BUB3: variants seen among roughly 807,000 people sequenced by gnomAD.
BUB3 encodes BUB3 mitotic checkpoint protein.
In BUB3, 22 loss-of-function variants were observed where a neutral mutation model predicts 39.9. The ratio of observed to expected loss-of-function variants is 0.55; its 90% CI spans 0.39 to 0.79. BUB3 has a LOEUF of 0.79. Among genes scored for constraint, BUB3 ranks in the 30% least tolerant of loss-of-function variants. BUB3 has a pLI of 0.00. For synonymous variants in BUB3, 168 were observed against 155.1 expected (o/e 1.08, Z -0.62); for missense variants, 303 against 415.4 (o/e 0.73, Z 2.35).
rs374121772 is a variant in BUB3 at position 123,164,303 on chromosome 10, A to G, written c.*468A>G. ...GAGGAGGTTAATCTACAATTAAACA[A>G]TATTTCCTCTTGGCCGTCCATTATT... On this transcript the variant is annotated 3_prime_UTR_variant, in exon 8 of 8. Transcript: ENST00000368865. 2 of 986,230 alleles carry G rather than the reference A, an allele frequency of 2.0e-6. No homozygotes were observed. The highest frequency in any genetic ancestry group is 2.4e-6 in the Non-Finnish European group (2 of 830,572). 61.1% of individuals were successfully genotyped at this position (986,230 alleles called of 1,614,324 possible). A position where few individuals can be genotyped will look rare whatever the true frequency, so the allele number is the denominator to read the frequency against.
At chr10:123,161,637 A>G (rs763918232) in intron 5 of BUB3, among the ~76,000 whole-genome samples, 2 of 152,230 alleles carry the variant, frequency 1.3e-5, no homozygotes, top group East Asian at 1.9e-4. Context: ...CATAGATTTC[A>G]TATTTGGTGT....
At position 123,166,204 on chromosome 10, in the gene BUB3, G is replaced by T. The variant is rs144614866; in HGVS notation, c.*2369G>T. The T allele has an allele frequency of 6.6e-6, 1 of 152,142 alleles. No individual in the cohort carries two copies. Among genetic ancestry groups the T allele is most frequent in the Non-Finnish European group, 1.5e-5 (1 of 68,034 alleles). The allele number at this position is 152,142 out of a possible 1,614,324, so 9.4% of individuals were successfully genotyped here. A position where few individuals can be genotyped will look rare whatever the true frequency, so the allele number is the denominator to read the frequency against. ...GGTTTCCCTCACCCACATTCTTTAAGTGTCTCTTCTGTTTATCTTTTCTTC... is the reference window on the plus strand; with the variant it reads ...GGTTTCCCTCACCCACATTCTTTAATTGTCTCTTCTGTTTATCTTTTCTTC... On this transcript the variant is annotated 3_prime_UTR_variant, in exon 8 of 8. Transcript: ENST00000368865.
chr10:123,154,850 G>T, intron 1 of BUB3, 68 bp from the exon 2 acceptor site: 1 of 1,529,886 alleles, frequency 6.5e-7, no homozygotes, highest in Non-Finnish European at 8.8e-7. Context: ...GGGACCCCCA[G>T]TGCCAGGCTG....
chr10:123,168,366 A>T lies in BUB3; in HGVS notation c.*4531A>T, dbSNP rs1844512976. Reference sequence around the variant, plus strand: ...TAAAGATGTTATTTGGGATGGTGTGACTTGCACAAGCCACACAGCCTGCAT... The same window carrying T: ...TAAAGATGTTATTTGGGATGGTGTGTCTTGCACAAGCCACACAGCCTGCAT... On this transcript the variant is annotated 3_prime_UTR_variant, in exon 8 of 8. Coordinates refer to ENST00000368865, the MANE Select transcript of BUB3 (RefSeq NM_004725.4). The T allele has an allele frequency of 6.6e-6, 1 of 152,168 alleles. No homozygotes were observed. Among genetic ancestry groups the T allele is most frequent in the Non-Finnish European group, 1.5e-5 (1 of 68,030 alleles). 9.4% of individuals were successfully genotyped at this position (152,168 alleles called of 1,614,324 possible).
intron 4 of BUB3, among the ~76,000 whole-genome samples, chr10:123,159,128 T>C (rs549080310): frequency 6.6e-6 from 1 of 152,328 alleles, no homozygotes; most frequent in South Asian, 2.1e-4. Context: ...ATCTTAACAT[T>C]TCTGACATTT....
intron 3 of BUB3, among the ~76,000 whole-genome samples, chr10:123,157,457 A>C (rs1381941804): frequency 6.6e-6 from 1 of 152,226 alleles, no homozygotes; most frequent in African/African-American, 2.4e-5. Context: ...ACATGCCACT[A>C]TGTTAATGTA....
Position 123,169,985 on chromosome 10 carries a change from A to T in BUB3, c.*6150A>T, listed in dbSNP as rs965611422. On this transcript the variant is annotated 3_prime_UTR_variant, in exon 8 of 8. Coordinates refer to ENST00000368865, the MANE Select transcript of BUB3 (RefSeq NM_004725.4). The stretch of plus-strand genomic sequence containing the variant: ...GGCGGGAGGATAACCTGAGTGCGGG[A>T]GGTTGAGGTTGCAGTGAGCTGAAGT... The T allele has an allele frequency of 3.9e-5, 6 of 152,212 alleles. No individual in the cohort carries two copies. Among genetic ancestry groups the T allele is most frequent in the Admixed American group, 1.3e-4 (2 of 15,280 alleles). The allele number at this position is 152,212 out of a possible 1,614,324, so 9.4% of individuals were successfully genotyped here. A position where few individuals can be genotyped will look rare whatever the true frequency, so the allele number is the denominator to read the frequency against.
In BUB3 at chr10:123,164,926, C is replaced by T. The variant is rs989112477; in HGVS notation, c.*1091C>T. 6.2e-6 allele frequency: 9 copies of T among 1,462,760 alleles called. No individual in the cohort carries two copies. The highest frequency in any genetic ancestry group is 8.1e-6 in the Non-Finnish European group (9 of 1,107,534). The allele number at this position is 1,462,760 out of a possible 1,614,324, so 90.6% of individuals were successfully genotyped here. A position where few individuals can be genotyped will look rare whatever the true frequency, so the allele number is the denominator to read the frequency against. ...GGACCTTTCCTGAGATTTATTTTAT[C>T]CGTGATGTATTTTTTTTAATTCTTT... On this transcript the variant is annotated 3_prime_UTR_variant, in exon 8 of 8. Coordinates refer to ENST00000368865, the MANE Select transcript of BUB3 (RefSeq NM_004725.4).
rs1171797378 is a variant in BUB3 at position 123,166,156 on chromosome 10, G to A, written c.*2321G>A. ...TACCTTTTCCCCAAGTTACCCAGGT[G>A]TAGTTACCTTGGCCTTCTCATTGGT... On this transcript the variant is annotated 3_prime_UTR_variant, in exon 8 of 8. Transcript: ENST00000368865. The A allele has an allele frequency of 2.0e-5, 3 of 152,144 alleles. No homozygotes were observed. The highest frequency in any genetic ancestry group is 4.4e-5 in the Non-Finnish European group (3 of 68,050). The allele number at this position is 152,144 out of a possible 1,614,324, so 9.4% of individuals were successfully genotyped here.
chr10:123,158,120 T>C (rs1844373509), intron 4 of BUB3, among the ~76,000 whole-genome samples: 5 of 152,256 alleles, frequency 3.3e-5, no homozygotes, highest in Admixed American at 3.3e-4. Flanking sequence ...CCATGTATTG[T>C]TAATGCTTTA....
chr10:123,158,926 G>C (rs1844384999), intron 4 of BUB3, among the ~76,000 whole-genome samples: 1 of 152,294 alleles, frequency 6.6e-6, no homozygotes, highest in East Asian at 1.9e-4. Context: ...TTTATGATCA[G>C]TGGGGATAGA....
chr10:123,159,591 A>AGGAAATTCTATGTTT (rs1844393817), intron 4 of BUB3, among the ~76,000 whole-genome samples: 2 of 152,368 alleles, frequency 1.3e-5, no homozygotes, highest in African/African-American at 4.8e-5. Flanking sequence ...CAAATAAACC[A>AGGAAATTCTATGTTT]CTAAATGTTT....
Position 123,162,788 on chromosome 10 carries a change from A to G in BUB3, c.931A>G (p.Ile311Val), listed in dbSNP as rs1011607443. The G allele has an allele frequency of 7.4e-6, 12 of 1,613,742 alleles. No homozygotes were observed. The highest frequency in any genetic ancestry group is 4.5e-5 in the East Asian group (2 of 44,880). Residue 311 changes from isoleucine to valine, a missense_variant, in exon 7 of 8, where the codon ATC becomes GTC. By Grantham distance (29) the Ile-to-Val change is conservative. Transcript: ENST00000368865. ...MDDTEHPEDG[I>V]FIRQVTDAET... ...TGACACAGAACATCCTGAAGATGGTATCTTCATTCGCCAAGTGACAGATGC... is the reference window on the plus strand; with the variant it reads ...TGACACAGAACATCCTGAAGATGGTGTCTTCATTCGCCAAGTGACAGATGC...
In BUB3 at chr10:123,164,853, CTTTAAAA is replaced by C; in HGVS notation, c.*1023_*1029del. ...TCCAAATAGTATTTTTGTTGTCAAACTTTAAAATTTATATTAATTTGCAAATGTATGT... is the reference window on the plus strand; with the variant it reads ...TCCAAATAGTATTTTTGTTGTCAAACTTTATATTAATTTGCAAATGTATGT... On this transcript the variant is annotated 3_prime_UTR_variant, in exon 8 of 8. Coordinates refer to ENST00000368865, the MANE Select transcript of BUB3 (RefSeq NM_004725.4). The C allele has an allele frequency of 7.4e-7, 1 of 1,354,192 alleles. No homozygotes were observed. The highest frequency in any genetic ancestry group is 2.5e-4 in the Middle Eastern group (1 of 4,016). The allele number at this position is 1,354,192 out of a possible 1,614,324, so 83.9% of individuals were successfully genotyped here. A position where few individuals can be genotyped will look rare whatever the true frequency, so the allele number is the denominator to read the frequency against.
rs1408483965 is a variant in BUB3, at chr10:123,165,183, C to T, written c.*1348C>T. Reference sequence around the variant, plus strand: ...GTTTTCTGTCTTACAAGAAACTTGTCTATGTACCTTAATACTTTGTTTAGG... The same window carrying T: ...GTTTTCTGTCTTACAAGAAACTTGTTTATGTACCTTAATACTTTGTTTAGG... On this transcript the variant is annotated 3_prime_UTR_variant, in exon 8 of 8. Coordinates refer to ENST00000368865, the MANE Select transcript of BUB3 (RefSeq NM_004725.4). The T allele has an allele frequency of 4.5e-6, 5 of 1,119,540 alleles. No individual in the cohort carries two copies. Among genetic ancestry groups the T allele is most frequent in the Non-Finnish European group, 6.6e-6 (5 of 752,822 alleles). 69.4% of individuals were successfully genotyped at this position (1,119,540 alleles called of 1,614,324 possible).
intron 4 of BUB3, 41 bp downstream of exon 4, chr10:123,157,921 G>A (rs1453983567): frequency 6.4e-7 from 1 of 1,561,308 alleles, no homozygotes; most frequent in South Asian, 1.2e-5. Context: ...ATGGTTTTGG[G>A]GTGATTTTTG....
At chr10:123,162,876 G>C in intron 7 of BUB3, 48 bp downstream of exon 7, 1 of 1,542,542 alleles carries the variant, frequency 6.5e-7, no homozygotes, top group Admixed American at 1.7e-5. Context: ...ATTCAACCCA[G>C]GATTTATTAA....
chr10:123,159,777 A>C (rs1564782854), intron 4 of BUB3, among the ~76,000 whole-genome samples: 1 of 152,198 alleles, frequency 6.6e-6, no homozygotes, highest in Non-Finnish European at 1.5e-5. Context: ...TTGCTTTGTC[A>C]TATGTCAGAC....
intron 7 of BUB3, 123 bp downstream of exon 7, chr10:123,162,951 G>A: frequency 3.2e-6 from 3 of 923,140 alleles, no homozygotes; most frequent in Non-Finnish European, 3.3e-6. Flanking sequence ...TGTAGGGTTG[G>A]AGTTGATGTT....
Sources: gnomAD v4.1 joint callset for allele counts (sites outside exome capture counted in the v4.1 genomes callset) on GRCh38, gnomAD v4.1.1 for gene constraint, MANE v1.5 for transcripts, NCBI Gene and HGNC (gene_info 2026-07-23, HGNC 2026-07-21) for gene names.